ATOH8: variants seen among roughly 807,000 people sequenced by gnomAD.
ATOH8 encodes transcription factor ATOH8.
A neutral mutation model predicts 21.2 loss-of-function variants in ATOH8; 9 were observed. The ratio of observed to expected loss-of-function variants is 0.42; its 90% CI spans 0.26 to 0.74. The LOEUF (loss-of-function observed/expected upper bound fraction) is 0.74, where lower values mean the gene tolerates loss of function less well. Ranked by LOEUF, ATOH8 falls within the 30% of genes least tolerant of loss-of-function variation. The pLI is 0.24. For synonymous variants in ATOH8, 253 were observed against 224.0 expected (o/e 1.13, Z -1.16); for missense variants, 524 against 470.9 (o/e 1.11, Z -1.04).
intron 1 of ATOH8, among the ~76,000 whole-genome samples, chr2:85,759,190 C>T (rs898824025): frequency 6.6e-6 from 1 of 152,206 alleles, no homozygotes; most frequent in East Asian, 1.9e-4. Flanking sequence ...CCCTCAGCAC[C>T]TCCCTCACTC....
Position 85,766,810 on chromosome 2 carries a change from GTCTGTCTACCTGTCTTTCTCTCTGAGTCT to G in ATOH8, c.960+2629_960+2657del. On this transcript the variant is annotated intron_variant, in intron 2 of 2. Transcript: ENST00000306279. This position sits in a 1 kb window ranked among gnomAD's most constrained non-coding sequence, Gnocchi z 4.0. ...AATTGCTAGCTGTCACCCTCCATCT[GTCTGTCTACCTGTCTTTCTCTCTGAGTCT>G]GGCTCACACTGTTCCCCTCTTTATC... Among the ~76,000 whole-genome samples, 2 of 152,118 alleles carry G rather than the reference GTCTGTCTACCTGTCTTTCTCTCTGAGTCT, an allele frequency of 1.3e-5. No individual in the cohort carries two copies. Among genetic ancestry groups the G allele is most frequent in the Non-Finnish European group, 2.9e-5 (2 of 68,022 alleles).
intron 2 of ATOH8, among the ~76,000 whole-genome samples, chr2:85,777,475 G>GC (rs1374712718): frequency 1.3e-5 from 2 of 152,166 alleles, no homozygotes; most frequent in Non-Finnish European, 2.9e-5. Context: ...GAGGCTGGGG[G>GC]CCCCCTTAGT....
At chr2:85,780,157 C>G (rs1185320708) in intron 2 of ATOH8, among the ~76,000 whole-genome samples, 1 of 152,132 alleles carries the variant, frequency 6.6e-6, no homozygotes, top group Non-Finnish European at 1.5e-5. Context: ...CCAGCCCCAG[C>G]CCTGCACTTG....
Position 85,754,350 on chromosome 2 carries a change from C to G in ATOH8, c.161C>G (p.Ala54Gly). 1 of 1,607,256 alleles carries G rather than the reference C, an allele frequency of 6.2e-7. No individual in the cohort carries two copies. The highest frequency in any genetic ancestry group is 8.5e-7 in the Non-Finnish European group (1 of 1,177,736). The change falls in exon 1 of 3, where the codon GCC (alanine) becomes GGC (glycine). Residue 54 changes from alanine to glycine, a missense_variant. Ala to Gly is a moderately conservative substitution (Grantham distance 60). Transcript: ENST00000306279. ...RLDLEAPEPR[A>G]VATNGLRDRT... is the part of the protein sequence containing the mutation. Reference sequence around the variant, plus strand: ...GACTTGGAAGCGCCCGAGCCCCGCGCCGTAGCCACCAACGGGCTGCGGGAC... The same window carrying G: ...GACTTGGAAGCGCCCGAGCCCCGCGGCGTAGCCACCAACGGGCTGCGGGAC...
At position 85,763,979 on chromosome 2, in the gene ATOH8, T is replaced by A. The variant is rs1558610191; in HGVS notation, c.769-12T>A. On this transcript the variant is annotated splice_polypyrimidine_tract_variant and intron_variant, in intron 1 of 2. Coordinates refer to ENST00000306279, the MANE Select transcript of ATOH8 (RefSeq NM_032827.7). ...CGCCCCTGCAGCCCCTCCTGACGCC[T>A]TCTCCCCTCAGGTGCCGTGCTACTC... is the stretch of plus-strand genomic sequence containing the variant. 1.9e-6 allele frequency: 3 copies of A among 1,611,716 alleles called. No homozygotes were observed. The highest frequency in any genetic ancestry group is 1.3e-5 in the African/African-American group (1 of 74,862).
intron 2 of ATOH8, 77 bp downstream of exon 2, chr2:85,764,259 C>G (rs530928877): frequency 1.9e-6 from 3 of 1,566,084 alleles, no homozygotes; most frequent in Admixed American, 1.7e-5. Context: ...GGTGCCCTGC[C>G]TATGCCCAGA....
rs1195006505 is a variant in ATOH8, at chr2:85,766,228, T to C, written c.960+2046T>C. ...AATGCTTGAGCTCTGAACTTGAGGC[T>C]TATCCTATGGGGCTTACTTATGTGG... On this transcript the variant is annotated intron_variant, in intron 2 of 2. Coordinates refer to ENST00000306279, the MANE Select transcript of ATOH8 (RefSeq NM_032827.7). The surrounding 1 kb of genome is among the most constrained non-coding windows in gnomAD (Gnocchi z 4.0). Among the ~76,000 whole-genome samples the C allele has an allele frequency of 6.6e-6, 1 of 152,130 alleles. No homozygotes were observed. Among genetic ancestry groups the C allele is most frequent in the Non-Finnish European group, 1.5e-5 (1 of 68,026 alleles).
At chr2:85,786,857 G>C in intron 2 of ATOH8, 28 bp from the exon 3 acceptor site, 9 of 1,613,866 alleles carry the variant, frequency 5.6e-6, no homozygotes, top group Non-Finnish European at 7.6e-6. Context: ...AGCAGGGGCA[G>C]CTTTTAATGG....
chr2:85,785,168 G>C lies in ATOH8; in HGVS notation c.961-1717G>C, dbSNP rs766313624. Among the ~76,000 whole-genome samples the C allele has an allele frequency of 6.6e-6, 1 of 152,228 alleles. No homozygotes were observed. The highest frequency in any genetic ancestry group is 1.9e-4 in the East Asian group (1 of 5,202). On this transcript the variant is annotated intron_variant, in intron 2 of 2. Coordinates refer to ENST00000306279, the MANE Select transcript of ATOH8 (RefSeq NM_032827.7). This position sits in a 1 kb window ranked among gnomAD's most constrained non-coding sequence, Gnocchi z 4.1. Reference sequence around the variant, plus strand: ...AGCCTCCCCTTCTTCCTCAGGCCACGGGCAGGCTGAACAAGAGAAAAACCT... The same window carrying C: ...AGCCTCCCCTTCTTCCTCAGGCCACCGGCAGGCTGAACAAGAGAAAAACCT...
At chr2:85,774,530 T>C in intron 2 of ATOH8, 3 of 985,480 alleles carry the variant, frequency 3.0e-6, no homozygotes, top group African/African-American at 1.7e-5. Flanking sequence ...TTCTCTCCTT[T>C]AACATCTTGC....
At chr2:85,776,716 G>A (rs1177043638) in intron 2 of ATOH8, among the ~76,000 whole-genome samples, 2 of 152,188 alleles carry the variant, frequency 1.3e-5, no homozygotes, top group Non-Finnish European at 2.9e-5. Flanking sequence ...TGCTCTACCT[G>A]CACAGGGCCC....
intron 2 of ATOH8, among the ~76,000 whole-genome samples, chr2:85,778,848 G>A (rs1680406679): frequency 6.6e-6 from 1 of 152,222 alleles, no homozygotes; most frequent in Non-Finnish European, 1.5e-5. Context: ...GGGTGTCTGT[G>A]TAAGGATCAT....
chr2:85,765,637 C>A (rs925977326), intron 2 of ATOH8, among the ~76,000 whole-genome samples: 1 of 152,156 alleles, frequency 6.6e-6, no homozygotes. Flanking sequence ...TCAGGCGGTC[C>A]GGAGGTGTAG....
intron 2 of ATOH8, chr2:85,773,179 C>T (rs1013324320): frequency 1.5e-5 from 4 of 265,694 alleles, no homozygotes; most frequent in Admixed American, 5.2e-5. Context: ...CCCCCATCAG[C>T]TCATCAGAGA....
chr2:85,760,101 T>C (rs922704054), intron 1 of ATOH8, among the ~76,000 whole-genome samples: 1 of 152,016 alleles, frequency 6.6e-6, no homozygotes, highest in African/African-American at 2.4e-5. Flanking sequence ...TGTTTTTTCA[T>C]GCTTGCTGGA....
At chr2:85,777,063 C>T (rs1259524178) in intron 2 of ATOH8, among the ~76,000 whole-genome samples, 2 of 152,126 alleles carry the variant, frequency 1.3e-5, no homozygotes, top group Non-Finnish European at 2.9e-5. Context: ...CATGAAGGGC[C>T]CTGCCCTGCA....
intron 2 of ATOH8, among the ~76,000 whole-genome samples, chr2:85,772,243 A>T (rs1285964974): frequency 6.6e-6 from 1 of 152,214 alleles, no homozygotes; most frequent in African/African-American, 2.4e-5. Context: ...GCCGCCGGCG[A>T]GGACTGACAC....
Position 85,754,051 on chromosome 2 carries a change from C to G in ATOH8, c.-139C>G. ...CGGCGGCTTCCCGAAGCCGGCGGCG[C>G]AGCTGCCCGGGGCGAGGGGGAGAAA... On this transcript the variant is annotated 5_prime_UTR_variant, in exon 1 of 3. Coordinates refer to ENST00000306279, the MANE Select transcript of ATOH8 (RefSeq NM_032827.7). 6.3e-6 allele frequency: 7 copies of G among 1,111,828 alleles called. No homozygotes were observed. The highest frequency in any genetic ancestry group is 8.3e-6 in the Non-Finnish European group (7 of 842,020). 68.9% of individuals were successfully genotyped at this position (1,111,828 alleles called of 1,614,324 possible).
intron 2 of ATOH8, among the ~76,000 whole-genome samples, chr2:85,765,860 G>A (rs1366292027): frequency 1.3e-5 from 2 of 152,188 alleles, no homozygotes; most frequent in Non-Finnish European, 2.9e-5. Context: ...CGACAGAGCC[G>A]AGCTTTTGGC....
Sources: gnomAD v4.1 joint callset for allele counts (sites outside exome capture counted in the v4.1 genomes callset) on GRCh38, gnomAD v4.1.1 for gene constraint, Gnocchi (gnomAD v3.1) non-coding constraint, MANE v1.5 for transcripts, NCBI Gene and HGNC (gene_info 2026-07-23, HGNC 2026-07-21) for gene names.